RALGDS: variants seen among roughly 807,000 people sequenced by gnomAD.
RALGDS encodes the protein ral guanine nucleotide exchange factor.
Under a neutral mutation model 99.8 loss-of-function variants are expected in RALGDS, and 44 were observed. The ratio of observed to expected loss-of-function variants is 0.44; its 90% CI spans 0.35 to 0.57. RALGDS has a LOEUF of 0.57. Ranked by LOEUF, RALGDS falls within the 20% of genes least tolerant of loss-of-function variation. The pLI is 0.01. For missense variants in RALGDS, 1,022 were observed against 1,203.1 expected (o/e 0.85, Z 2.23); for synonymous variants, 529 against 505.0 (o/e 1.05, Z -0.64).
chr9:133,114,849 ACT>A (rs1301038215), intron 1 of RALGDS, among the ~76,000 whole-genome samples: 3 of 152,146 alleles, frequency 2.0e-5, no homozygotes, highest in African/African-American at 7.2e-5. Context: ...CTGTAAACAC[ACT>A]GTCTGGCCTT....
intron 1 of RALGDS, among the ~76,000 whole-genome samples, chr9:133,146,796 A>G (rs62574353): frequency 0.16 from 24,983 of 152,188 alleles, 3,304 homozygotes; most frequent in African/African-American, 0.37. Flanking sequence ...TGCCTGCCCT[A>G]CAGAGAGACC....
chr9:133,131,165 A>G, upstream of RALGDS: 1 of 1,407,818 alleles, frequency 7.1e-7, no homozygotes. Flanking sequence ...AGCATCTCAC[A>G]TCCTCTTCCG....
intron 1 of RALGDS, among the ~76,000 whole-genome samples, chr9:133,116,574 C>T (rs1166479522): frequency 6.6e-6 from 1 of 152,228 alleles, no homozygotes; most frequent in Admixed American, 6.5e-5. Context: ...GAACACAGGG[C>T]CAGGCCCGGG....
Position 133,102,011 on chromosome 9 carries a change from C to G in RALGDS, c.2138G>C (p.Gly713Ala). The G allele has an allele frequency of 6.4e-7, 1 of 1,552,716 alleles. No homozygotes were observed. Among genetic ancestry groups the G allele is most frequent in the Non-Finnish European group, 8.7e-7 (1 of 1,147,678 alleles). Residue 713 changes from glycine (G) to alanine (A), a missense_variant, in exon 15 of 18, where the codon GGC (glycine) becomes GCC (alanine). Around this residue, in one of 3 missense-constraint regions of RALGDS, gnomAD observed 825 missense variants for 994.5 expected, o/e 0.83. Coordinates refer to ENST00000372050, the MANE Select transcript of RALGDS (RefSeq NM_006266.4). The part of the protein sequence containing the change: ...IADALSVHSA[G>A]SSSSDVEEIN... ...CTCCTCCACGTCGGAGCTAGAGGAG[C>G]CGGCCGAGTGCACGCTGAGCGCGTC...
intron 16 of RALGDS, 68 bp downstream of exon 16, chr9:133,101,452 G>A (rs762400076): frequency 4.4e-6 from 7 of 1,604,616 alleles, no homozygotes; most frequent in African/African-American, 4.0e-5. Flanking sequence ...GGCAGGGATG[G>A]TGCACTGTGT....
chr9:133,105,824 A>AGCCCC (rs1830997127), intron 9 of RALGDS, 108 bp downstream of exon 9: 1 of 70,298 alleles, frequency 1.4e-5, no homozygotes, highest in African/African-American at 1.6e-4. Context: ...CCGCCGCCCC[A>AGCCCC]GCCCCCGCCC....
At chr9:133,145,704 T>C (rs1832612256) in intron 1 of RALGDS, among the ~76,000 whole-genome samples, 1 of 152,156 alleles carries the variant, frequency 6.6e-6, no homozygotes, top group Non-Finnish European at 1.5e-5. Context: ...AGCTCCTGCC[T>C]CTTGCCAGTT....
At chr9:133,120,437 C>T in intron 1 of RALGDS, among the ~76,000 whole-genome samples, 1 of 141,624 alleles carries the variant, frequency 7.1e-6, no homozygotes, top group Admixed American at 6.9e-5. Flanking sequence ...GACCCCCCCC[C>T]CACCCCGCTC....
rs142210289 is a variant in RALGDS, at chr9:133,108,195, C to A, written c.990G>T (p.Ala330=). 5 of 1,613,158 alleles carry A rather than the reference C, an allele frequency of 3.1e-6. No homozygotes were observed. The highest frequency in any genetic ancestry group is 1.6e-4 in the Middle Eastern group (1 of 6,072). ...EPAVGLESAP[A]PALELEPAPE... is the part of the protein sequence containing the mutation. The stretch of plus-strand genomic sequence containing the variant: ...GAGCTGGCTCTAGTTCCAGAGCTGG[C>A]GCTGGAGCCGATTCTAGTCCCACAG... Residue 330 remains alanine (A), a synonymous_variant, in exon 6 of 18, where the codon GCG becomes GCT. Coordinates refer to ENST00000372050, the MANE Select transcript of RALGDS (RefSeq NM_006266.4).
intron 8 of RALGDS, 67 bp from the exon 9 acceptor site, chr9:133,106,083 G>A (rs979598168): frequency 2.6e-5 from 34 of 1,296,428 alleles, no homozygotes; most frequent in South Asian, 1.6e-4. Context: ...GTGCAAATCC[G>A]TTTTATTTTA....
chr9:133,104,476 G>T, intron 9 of RALGDS, 145 bp from the exon 10 acceptor site: 1 of 707,278 alleles, frequency 1.4e-6, no homozygotes, highest in Non-Finnish European at 2.5e-6. Flanking sequence ...CGGTGGCCTG[G>T]CCTTCCTGAG....
intron 16 of RALGDS, chr9:133,101,047 A>C: frequency 9.3e-7 from 1 of 1,075,210 alleles, no homozygotes; most frequent in Non-Finnish European, 1.1e-6. Flanking sequence ...AGCAATTCCC[A>C]TCTGCTGTCT....
At chr9:133,122,708 T>C (rs181797831), upstream of RALGDS, among the ~76,000 whole-genome samples, 7 of 152,338 alleles carry the variant, frequency 4.6e-5, no homozygotes, top group East Asian at 1.3e-3. Flanking sequence ...ATCAGCTCTA[T>C]GTGATAAATG....
Position 133,108,337 on chromosome 9 carries a change from G to T in RALGDS, c.848C>A (p.Pro283His), listed in dbSNP as rs2119157474. 6.5e-7 allele frequency: 1 copy of T among 1,542,346 alleles called. No homozygotes were observed. The highest frequency in any genetic ancestry group is 8.7e-7 in the Non-Finnish European group (1 of 1,147,124). Reference protein sequence around the residue: ...LELALTPARAPSPVPAPAPEP... With the variant: ...LELALTPARAHSPVPAPAPEP... ...CGGGGCTGGAGCCGGCACTGGGCTGGGTGCTCGAGCTGGTGTTAGAGCTAG... is the reference window on the plus strand; with the variant it reads ...CGGGGCTGGAGCCGGCACTGGGCTGTGTGCTCGAGCTGGTGTTAGAGCTAG... The change falls in exon 6 of 18, where the codon CCC becomes CAC. Residue 283 changes from proline (P) to histidine (H), a missense_variant. This residue lies in a region of RALGDS where 825 missense variants were observed against 994.5 expected (regional missense o/e 0.83). Transcript: ENST00000372050.
intron 1 of RALGDS, among the ~76,000 whole-genome samples, chr9:133,146,311 C>T (rs1473824305): frequency 3.3e-5 from 5 of 152,140 alleles, no homozygotes; most frequent in South Asian, 2.1e-4. Context: ...CCTCAGCCTC[C>T]GGAGTAGCTG....
At position 133,144,652 on chromosome 9, in the gene RALGDS, C is replaced by T. The variant is rs1832594334; in HGVS notation, c.18+4311G>A. 6.6e-6 allele frequency among the ~76,000 whole-genome samples: 1 copy of T among 152,244 alleles called. No homozygotes were observed. Among genetic ancestry groups the T allele is most frequent in the South Asian group, 2.1e-4 (1 of 4,836 alleles). On this transcript the variant is annotated intron_variant, in intron 1 of 17. Coordinates refer to the RALGDS transcript ENST00000393160. The surrounding 1 kb of genome is among the most constrained non-coding windows in gnomAD (Gnocchi z 4.5). ...CAAGCTGAGGAGCAGGCGGGCTCCG[C>T]TCACGCCCCCACACCCCCTGGCTGG...
Position 133,129,377 on chromosome 9 carries a change from C to T in RALGDS, c.132+1575G>A, listed in dbSNP as rs769631141. Reference sequence around the variant, plus strand: ...GCGGGAGGCCCTCTGCCAGTGTGCTCGTCGCCTGCGTGCCCTAGTGGAGTG... The same window carrying T: ...GCGGGAGGCCCTCTGCCAGTGTGCTTGTCGCCTGCGTGCCCTAGTGGAGTG... On this transcript the variant is annotated intron_variant, in intron 1 of 17. Transcript: ENST00000372062. 3.2e-4 allele frequency: 475 copies of T among 1,482,428 alleles called. 1 individual carries two copies. The highest frequency in any genetic ancestry group is 4.0e-4 in the Non-Finnish European group (452 of 1,119,790). The allele number at this position is 1,482,428 out of a possible 1,614,324, so 91.8% of individuals were successfully genotyped here.
chr9:133,105,426 G>A (rs565001935), intron 9 of RALGDS, among the ~76,000 whole-genome samples: 1 of 152,238 alleles, frequency 6.6e-6, no homozygotes, highest in African/African-American at 2.4e-5. Context: ...AAGCCACATG[G>A]GGCCTCCAAA....
intron 6 of RALGDS, 143 bp from the exon 7 acceptor site, chr9:133,107,443 C>G (rs571013255): frequency 1.3e-6 from 1 of 780,732 alleles, no homozygotes; most frequent in East Asian, 2.7e-5. Flanking sequence ...ACAAGTGACC[C>G]GGGACAGAAC....
Sources: gnomAD v4.1 joint callset for allele counts (sites outside exome capture counted in the v4.1 genomes callset) on GRCh38, gnomAD v4.1.1 for gene constraint, gnomAD v4.1.1 regional missense constraint, Gnocchi (gnomAD v3.1) non-coding constraint, MANE v1.5 for transcripts, NCBI Gene and HGNC (gene_info 2026-07-23, HGNC 2026-07-21) for gene names.